The following PEAK1 variants were observed in gnomAD, a reference collection of about 807,000 sequenced individuals.
The protein encoded by PEAK1 is pseudopodium enriched atypical kinase 1.
Under a neutral mutation model 124.7 loss-of-function variants are expected in PEAK1, and 54 were observed. That is an observed-to-expected ratio of 0.43 (90% CI 0.35 to 0.54). The LOEUF (loss-of-function observed/expected upper bound fraction) is 0.54. Among genes scored for constraint, PEAK1 ranks in the 20% least tolerant of loss-of-function variants. PEAK1 has a pLI of 0.01. For synonymous variants in PEAK1, 719 were observed against 760.0 expected (o/e 0.95, Z 0.89); for missense variants, 2,046 against 2,134.5 (o/e 0.96, Z 0.82).
chr15:77,397,829 G>C (rs759664545), intron 1 of PEAK1, among the ~76,000 whole-genome samples: 6 of 152,110 alleles, frequency 3.9e-5, no homozygotes, highest in Non-Finnish European at 7.4e-5. Context: ...GGAGGCCAAG[G>C]TGGGCGGATC....
At chr15:77,369,275 C>T (rs576432713) in intron 1 of PEAK1, among the ~76,000 whole-genome samples, 22 of 152,240 alleles carry the variant, frequency 1.4e-4, no homozygotes, top group African/African-American at 4.6e-4. Context: ...AGAAAGACAG[C>T]ACAAACCCAA....
At chr15:77,148,355 C>T (rs1401705547) in intron 8 of PEAK1, among the ~76,000 whole-genome samples, 1 of 152,036 alleles carries the variant, frequency 6.6e-6, no homozygotes, top group African/African-American at 2.4e-5. Flanking sequence ...AACAAATTGT[C>T]CATGTCCCTT....
chr15:77,230,012 G>A (rs2059839542), intron 6 of PEAK1, among the ~76,000 whole-genome samples: 1 of 152,106 alleles, frequency 6.6e-6, no homozygotes. Flanking sequence ...TGCCAGCTAT[G>A]ACATGGTATA....
chr15:77,116,704 C>CAA (rs1566987280), intron 9 of PEAK1, among the ~76,000 whole-genome samples: 17 of 14,476 alleles, frequency 1.2e-3, no homozygotes, highest in Non-Finnish European at 2.3e-3. Context: ...ATCAATCAAT[C>CAA]TATCTATCTA....
chr15:77,127,409 T>C (rs987085688), intron 9 of PEAK1, among the ~76,000 whole-genome samples: 139 of 152,294 alleles, frequency 9.1e-4, no homozygotes, highest in African/African-American at 3.2e-3. Context: ...GCTTTGGAAT[T>C]GGGTAGAGGC....
intron 2 of PEAK1, among the ~76,000 whole-genome samples, chr15:77,289,013 A>G (rs1314376163): frequency 6.6e-6 from 1 of 152,104 alleles, no homozygotes; most frequent in East Asian, 1.9e-4. Context: ...CATGTATTGC[A>G]AGGTTTGGAG....
At chr15:77,311,216 T>C (rs895047130) in intron 2 of PEAK1, among the ~76,000 whole-genome samples, 6 of 152,162 alleles carry the variant, frequency 3.9e-5, no homozygotes, top group African/African-American at 1.4e-4. Context: ...CCAGAGTTAT[T>C]ATGCAATAAC....
chr15:77,253,732 A>G (rs934492670), intron 5 of PEAK1, among the ~76,000 whole-genome samples: 18 of 152,076 alleles, frequency 1.2e-4, no homozygotes, highest in African/African-American at 3.6e-4. Context: ...GATTTTTCTG[A>G]TAAGTCAGCT....
chr15:77,165,979 C>G (rs1161018171), intron 7 of PEAK1, among the ~76,000 whole-genome samples: 1 of 152,078 alleles, frequency 6.6e-6, no homozygotes, highest in Non-Finnish European at 1.5e-5. Flanking sequence ...ACTGCAGAAA[C>G]CCAGCAATAA....
intron 9 of PEAK1, among the ~76,000 whole-genome samples, chr15:77,131,426 G>C (rs950935594): frequency 6.6e-6 from 1 of 152,338 alleles, no homozygotes; most frequent in East Asian, 1.9e-4. Context: ...CCGGGAGGCA[G>C]AGGTTGCTGT....
intron 5 of PEAK1, among the ~76,000 whole-genome samples, chr15:77,268,993 C>T (rs1373245294): frequency 1.3e-5 from 2 of 151,972 alleles, no homozygotes; most frequent in African/African-American, 4.8e-5. Context: ...CAAGCCAGCA[C>T]TACGAGCACC....
chr15:77,123,394 A>G (rs1158656102), intron 9 of PEAK1, among the ~76,000 whole-genome samples: 1 of 152,172 alleles, frequency 6.6e-6, no homozygotes, highest in African/African-American at 2.4e-5. Context: ...TCTAAGCAAA[A>G]GGCTGTCATT....
At chr15:77,379,470 C>G (rs1428936758) in intron 1 of PEAK1, among the ~76,000 whole-genome samples, 1 of 152,188 alleles carries the variant, frequency 6.6e-6, no homozygotes, top group Admixed American at 6.5e-5. Flanking sequence ...CAAACACCCT[C>G]ATACTTACAA....
At chr15:77,146,260 T>G (rs1229338851) in intron 8 of PEAK1, among the ~76,000 whole-genome samples, 1 of 152,200 alleles carries the variant, frequency 6.6e-6, no homozygotes, top group Non-Finnish European at 1.5e-5. Flanking sequence ...CTAGGCATTA[T>G]TACTGTGCTG....
chr15:77,311,473 C>G (rs1312513397), intron 2 of PEAK1, among the ~76,000 whole-genome samples: 1 of 151,932 alleles, frequency 6.6e-6, no homozygotes, highest in African/African-American at 2.4e-5. Context: ...GTCAGGAGTT[C>G]AAGTCTAGCC....
intron 2 of PEAK1, among the ~76,000 whole-genome samples, chr15:77,343,549 C>T (rs951330062): frequency 6.9e-6 from 1 of 144,174 alleles, no homozygotes; most frequent in African/African-American, 2.6e-5. Context: ...GGGAGTGGCA[C>T]AATCTCGTCT....
At chr15:77,388,816 A>AC (rs2070187832) in intron 1 of PEAK1, among the ~76,000 whole-genome samples, 1 of 151,820 alleles carries the variant, frequency 6.6e-6, no homozygotes, top group Non-Finnish European at 1.5e-5. Context: ...CAAAAAAAAA[A>AC]AAATACTCCA....
chr15:77,397,196 T>C (rs562090493), intron 1 of PEAK1, among the ~76,000 whole-genome samples: 2 of 152,136 alleles, frequency 1.3e-5, no homozygotes, highest in Admixed American at 1.3e-4. Flanking sequence ...GTAAACAATA[T>C]GCTCCTGAAT....
rs574940513 is a variant in PEAK1 at position 77,134,777 on chromosome 15, A to T, written c.3332-1027T>A. Among the ~76,000 whole-genome samples, 10 of 152,272 alleles carry T rather than the reference A, an allele frequency of 6.6e-5. No individual in the cohort carries two copies. In the South Asian group the frequency reaches 2.1e-3, roughly 32 times the overall value. The stretch of plus-strand genomic sequence containing the variant: ...AGTTATAAGGCTCTGTTATGGGTTG[A>T]ATTATATCCCCCAAAAAGGTATGTT... On this transcript the variant is annotated intron_variant, in intron 8 of 9. Coordinates refer to ENST00000682557, the MANE Select transcript of PEAK1 (RefSeq NM_001385026.1).
Sources: allele counts gnomAD v4.1 joint callset (sites outside exome capture counted in the v4.1 genomes callset), GRCh38; gene constraint gnomAD v4.1.1; transcripts MANE v1.5; gene names NCBI Gene and HGNC (gene_info 2026-07-23, HGNC 2026-07-21).